PRR5L: variants seen among roughly 807,000 people sequenced by gnomAD.
PRR5L encodes the protein proline-rich protein 5-like.
A neutral mutation model predicts 36.4 loss-of-function variants in PRR5L; 21 were observed. The ratio of observed to expected loss-of-function variants is 0.58; its 90% confidence interval spans 0.41 to 0.83. The LOEUF is 0.83. PRR5L is among the 40% of genes least tolerant of loss of function. PRR5L has a pLI of 0.00. For synonymous variants in PRR5L, 188 were observed against 197.0 expected, an observed-to-expected ratio of 0.95 and a Z score of 0.38; for missense variants, 381 against 473.3, an observed-to-expected ratio of 0.80 and a Z score of 1.81.
At chr11:36,388,623 T>A (rs941142912) in intron 1 of PRR5L, among the ~76,000 whole-genome samples, 1 of 152,106 alleles carries the variant, frequency 6.6e-6, no homozygotes, top group Non-Finnish European at 1.5e-5. Flanking sequence ...TTAATCCTTT[T>A]TACATAGATG....
intron 1 of PRR5L, among the ~76,000 whole-genome samples, chr11:36,298,079 G>T (rs1047380531): frequency 2.0e-5 from 3 of 152,204 alleles, no homozygotes; most frequent in South Asian, 2.1e-4. Flanking sequence ...TCTCTGAGTT[G>T]CTGGTCCCTT....
intron 1 of PRR5L, among the ~76,000 whole-genome samples, chr11:36,338,429 T>C (rs1260867229): frequency 6.6e-6 from 1 of 152,256 alleles, no homozygotes; most frequent in East Asian, 1.9e-4. Flanking sequence ...TGAAATGACT[T>C]CTGACGTGGC....
rs1857284106 is a variant in PRR5L, at chr11:36,377,342, ACCCCGCGCTGGGAGT to A, written c.-125-23652_-125-23638del. ...AAGCCCTGGGACGGCCCGGCTGCGGACCCCGCGCTGGGAGTCCGCAGTATCCCCCTTCCGTTTTAT... is the reference window on the plus strand; with the variant it reads ...AAGCCCTGGGACGGCCCGGCTGCGGACCGCAGTATCCCCCTTCCGTTTTAT... On this transcript the variant is annotated intron_variant, in intron 1 of 8. Coordinates refer to ENST00000530639, the MANE Select transcript of PRR5L (RefSeq NM_001160167.2). The surrounding 1 kb of genome is among the most constrained non-coding windows in gnomAD (Gnocchi z 5.1). Among the ~76,000 whole-genome samples, 1 of 152,016 alleles carries A rather than the reference ACCCCGCGCTGGGAGT, an allele frequency of 6.6e-6. No individual in the cohort carries two copies. Among genetic ancestry groups the A allele is most frequent in the Non-Finnish European group, 1.5e-5 (1 of 67,970 alleles).
At chr11:36,299,488 G>A (rs773936571) in intron 1 of PRR5L, among the ~76,000 whole-genome samples, 6 of 152,130 alleles carry the variant, frequency 3.9e-5, no homozygotes, top group East Asian at 1.9e-4. Context: ...AACCAGTTTC[G>A]TGCCACTTCT....
At chr11:36,450,616 T>C (rs927324371) in intron 7 of PRR5L, among the ~76,000 whole-genome samples, 1 of 152,214 alleles carries the variant, frequency 6.6e-6, no homozygotes, top group Non-Finnish European at 1.5e-5. Flanking sequence ...CTTTCTCTTA[T>C]AGCCCTGAAC....
chr11:36,330,507 T>C (rs1008537218), intron 1 of PRR5L, among the ~76,000 whole-genome samples: 2 of 152,230 alleles, frequency 1.3e-5, no homozygotes, highest in Non-Finnish European at 2.9e-5. Context: ...GTACTTGTCA[T>C]ATCCCTTTCC....
intron 1 of PRR5L, among the ~76,000 whole-genome samples, chr11:36,359,029 AG>A (rs1857057680): frequency 6.6e-6 from 1 of 152,214 alleles, no homozygotes; most frequent in Non-Finnish European, 1.5e-5. Context: ...ACTGACTTGC[AG>A]GCTCATATTC....
intron 1 of PRR5L, among the ~76,000 whole-genome samples, chr11:36,345,204 G>T (rs1856852663): frequency 6.6e-6 from 1 of 152,094 alleles, no homozygotes; most frequent in Non-Finnish European, 1.5e-5. Context: ...TCCCAAACAG[G>T]ATAGGTAGAG....
At chr11:36,423,587 G>T (rs1304058117) in intron 4 of PRR5L, among the ~76,000 whole-genome samples, 1 of 152,166 alleles carries the variant, frequency 6.6e-6, no homozygotes, top group African/African-American at 2.4e-5. Context: ...AGCTGGACAG[G>T]CTCCTCTAAC....
At chr11:36,403,444 C>A (rs1237543222) in intron 3 of PRR5L, 66 bp downstream of exon 3, 2 of 1,238,460 alleles carry the variant, frequency 1.6e-6, no homozygotes, top group African/African-American at 1.5e-5. Context: ...TAGGGGCTAC[C>A]GCCTTAGGAG....
chr11:36,396,027 G>A (rs988551914), intron 1 of PRR5L: 1 of 152,176 alleles, frequency 6.6e-6, no homozygotes, highest in African/African-American at 2.4e-5. Context: ...ACTATGCCTG[G>A]CCTATTATTA....
At chr11:36,380,217 T>C (rs1266354978) in intron 1 of PRR5L, among the ~76,000 whole-genome samples, 1 of 152,066 alleles carries the variant, frequency 6.6e-6, no homozygotes, top group Non-Finnish European at 1.5e-5. Flanking sequence ...CTGACAGTAG[T>C]GATGCCACAG....
intron 1 of PRR5L, among the ~76,000 whole-genome samples, chr11:36,371,211 A>T (rs552710174): frequency 6.6e-6 from 1 of 152,268 alleles, no homozygotes; most frequent in South Asian, 2.1e-4. Context: ...AGGGTTCTCA[A>T]TTTTTCTACT....
At chr11:36,443,936 T>TGG (rs1370096603) in intron 6 of PRR5L, among the ~76,000 whole-genome samples, 1 of 152,214 alleles carries the variant, frequency 6.6e-6, no homozygotes, top group East Asian at 1.9e-4. Flanking sequence ...ACACTGTTGC[T>TGG]GGGAGTACAA....
At chr11:36,412,811 A>G (rs1479021253) in intron 3 of PRR5L, among the ~76,000 whole-genome samples, 5 of 152,094 alleles carry the variant, frequency 3.3e-5, no homozygotes, top group African/African-American at 4.8e-5. Flanking sequence ...ACTCTCTCAT[A>G]GGGCCCAGGA....
At chr11:36,411,723 C>A (rs11820698) in intron 3 of PRR5L, among the ~76,000 whole-genome samples, 4,588 of 152,252 alleles carry the variant, frequency 0.03, 270 homozygotes, top group African/African-American at 0.11. Context: ...GTCAGTTACA[C>A]GTCCCGGCAA....
At chr11:36,301,842 G>A (rs1478993319) in intron 1 of PRR5L, among the ~76,000 whole-genome samples, 1 of 152,140 alleles carries the variant, frequency 6.6e-6, no homozygotes, top group Non-Finnish European at 1.5e-5. Context: ...AATTTTTTAA[G>A]GTGTGATGAA....
intron 1 of PRR5L, among the ~76,000 whole-genome samples, chr11:36,345,224 G>A (rs544255413): frequency 1.3e-5 from 2 of 152,070 alleles, no homozygotes; most frequent in African/African-American, 4.8e-5. Flanking sequence ...GGAAGAAGGG[G>A]GCACGTGACT....
At chr11:36,337,243 C>T (rs1856777376) in intron 1 of PRR5L, among the ~76,000 whole-genome samples, 3 of 152,122 alleles carry the variant, frequency 2.0e-5, no homozygotes. Flanking sequence ...GGTGATTAGG[C>T]CATGAGGACT....
Sources: allele counts gnomAD v4.1 joint callset (sites outside exome capture counted in the v4.1 genomes callset), GRCh38; gene constraint gnomAD v4.1.1; non-coding constraint Gnocchi (gnomAD v3.1); transcripts MANE v1.5; gene names NCBI Gene and HGNC (gene_info 2026-07-23, HGNC 2026-07-21).